DCC: variants seen among roughly 807,000 people sequenced by gnomAD.
The protein encoded by DCC is DCC netrin 1 receptor.
DCC carries 58 observed loss-of-function variants against 172.5 expected under a neutral mutation model. The observed-to-expected ratio is 0.34, with a 90% CI of 0.27 to 0.42. DCC has a LOEUF of 0.42. DCC is among the 10% of genes least tolerant of loss of function. DCC has a pLI of 1.00. For synonymous variants in DCC, 709 were observed against 644.5 expected, an observed-to-expected ratio of 1.10 and a Z score of -1.52; for missense variants, 1,740 against 1,791.0, an observed-to-expected ratio of 0.97 and a Z score of 0.51.
At chr18:53,096,749 CAG>C (rs1239441075) in intron 7 of DCC, among the ~76,000 whole-genome samples, 3 of 151,924 alleles carry the variant, frequency 2.0e-5, no homozygotes. Flanking sequence ...AAGCATTAAG[CAG>C]AGAGTCTAAG....
intron 5 of DCC, among the ~76,000 whole-genome samples, chr18:53,058,646 CTTTA>C (rs1262079729): frequency 5.9e-5 from 9 of 152,138 alleles, no homozygotes; most frequent in South Asian, 2.1e-4. Context: ...ATTGGGTAAA[CTTTA>C]TTTGTCTGCT....
At chr18:52,786,104 T>A (rs1304551) in intron 2 of DCC, among the ~76,000 whole-genome samples, 136,396 of 152,076 alleles carry the variant, frequency 0.9, 63,083 homozygotes, top group East Asian at 1. Context: ...TAGTAGGTAC[T>A]TTCCACATAA....
chr18:53,141,519 G>A (rs2043830158), intron 7 of DCC, among the ~76,000 whole-genome samples: 1 of 152,160 alleles, frequency 6.6e-6, no homozygotes, highest in African/African-American at 2.4e-5. Context: ...ACACTAAATT[G>A]TCTGGAAGTT....
chr18:52,588,743 G>C (rs2033732292), intron 1 of DCC, among the ~76,000 whole-genome samples: 1 of 152,122 alleles, frequency 6.6e-6, no homozygotes, highest in Non-Finnish European at 1.5e-5. Context: ...AGACCCAGTG[G>C]AAGCAGGAAC....
intron 1 of DCC, among the ~76,000 whole-genome samples, chr18:52,636,764 A>C (rs771371819): frequency 6.6e-6 from 1 of 152,120 alleles, no homozygotes; most frequent in Admixed American, 6.5e-5. Context: ...AAGGGCATAT[A>C]ATCTTGGGAG....
At chr18:52,369,675 CA>C (rs765037797) in intron 1 of DCC, among the ~76,000 whole-genome samples, 157 of 151,794 alleles carry the variant, frequency 1.0e-3, no homozygotes, top group Non-Finnish European at 1.9e-3. Context: ...TTATATAAAC[CA>C]AATCTGTATT....
At chr18:52,436,563 C>T (rs1350907278) in intron 1 of DCC, among the ~76,000 whole-genome samples, 1 of 152,178 alleles carries the variant, frequency 6.6e-6, no homozygotes, top group African/African-American at 2.4e-5. Flanking sequence ...CCAGGGGCTT[C>T]CTATGTACAT....
At chr18:52,752,478 A>G in intron 2 of DCC, 104 bp downstream of exon 2, 2 of 878,932 alleles carry the variant, frequency 2.3e-6, no homozygotes, top group East Asian at 2.6e-5. Context: ...TACATTTTAA[A>G]AATCTTTTAA....
At chr18:53,168,817 A>G (rs771975953) in intron 8 of DCC, among the ~76,000 whole-genome samples, 2 of 152,072 alleles carry the variant, frequency 1.3e-5, no homozygotes, top group Non-Finnish European at 2.9e-5. Context: ...ATTGCAGATG[A>G]CTGTGCAAAG....
intron 2 of DCC, among the ~76,000 whole-genome samples, chr18:52,804,427 TC>T (rs1451319795): frequency 4.6e-5 from 7 of 152,348 alleles, no homozygotes; most frequent in African/African-American, 1.7e-4. Context: ...TGAAATAGTT[TC>T]ATCTACATTG....
At chr18:52,482,404 C>T (rs918630390) in intron 1 of DCC, among the ~76,000 whole-genome samples, 6 of 152,144 alleles carry the variant, frequency 3.9e-5, no homozygotes, top group Admixed American at 1.3e-4. Flanking sequence ...TTAGCTCAGG[C>T]TACTATAACA....
At chr18:52,854,843 A>G (rs1222177631) in intron 2 of DCC, among the ~76,000 whole-genome samples, 1 of 152,202 alleles carries the variant, frequency 6.6e-6, no homozygotes, top group Non-Finnish European at 1.5e-5. Context: ...AACATTGGGC[A>G]TGCCTTCAGA....
At chr18:53,209,219 G>T (rs1188473094) in intron 11 of DCC, among the ~76,000 whole-genome samples, 1 of 152,184 alleles carries the variant, frequency 6.6e-6, no homozygotes, top group Non-Finnish European at 1.5e-5. Flanking sequence ...CAAAATAATG[G>T]CCAGGGGAAA....
intron 2 of DCC, among the ~76,000 whole-genome samples, chr18:52,777,161 T>C (rs907371407): frequency 1.1e-4 from 16 of 152,210 alleles, no homozygotes; most frequent in African/African-American, 3.4e-4. Context: ...GCCTCGCTAG[T>C]CTCATCTCAG....
intron 7 of DCC, among the ~76,000 whole-genome samples, chr18:53,150,097 C>A (rs946771475): frequency 6.6e-6 from 1 of 152,210 alleles, no homozygotes; most frequent in Admixed American, 6.5e-5. Context: ...GGGATCAAGG[C>A]TGACAAACTG....
intron 2 of DCC, among the ~76,000 whole-genome samples, chr18:52,786,849 G>A (rs1370365299): frequency 6.6e-6 from 1 of 152,064 alleles, no homozygotes; most frequent in Non-Finnish European, 1.5e-5. Flanking sequence ...AGTCGAGATT[G>A]ACTCCTTAAA....
chr18:53,325,952 A>C (rs934548972), intron 14 of DCC, among the ~76,000 whole-genome samples: 2 of 152,190 alleles, frequency 1.3e-5, no homozygotes, highest in Admixed American at 1.3e-4. Context: ...GATTGTAAGG[A>C]AGTGTGTGTA....
chr18:52,364,557 T>C (rs1390970397), intron 1 of DCC, among the ~76,000 whole-genome samples: 1 of 152,232 alleles, frequency 6.6e-6, no homozygotes, highest in Non-Finnish European at 1.5e-5. Context: ...AGATTCATTT[T>C]CTGGTGAGGA....
chr18:52,777,149 C>G (rs1333163787), intron 2 of DCC, among the ~76,000 whole-genome samples: 1 of 152,200 alleles, frequency 6.6e-6, no homozygotes, highest in Non-Finnish European at 1.5e-5. Flanking sequence ...GTCCACACAT[C>G]TGCCTCGCTA....
Sources: allele counts gnomAD v4.1 joint callset (sites outside exome capture counted in the v4.1 genomes callset), GRCh38; gene constraint gnomAD v4.1.1; transcripts MANE v1.5; gene names NCBI Gene and HGNC (gene_info 2026-07-23, HGNC 2026-07-21).